MACROD2: variants seen among roughly 807,000 people sequenced by gnomAD.
MACROD2 encodes mono-ADP ribosylhydrolase 2.
Under a neutral mutation model 70.4 loss-of-function variants are expected in MACROD2, and 36 were observed. The observed-to-expected ratio is 0.51, with a 90% CI of 0.39 to 0.68. MACROD2 has a LOEUF of 0.68. Among genes scored for constraint, MACROD2 ranks in the 30% least tolerant of loss-of-function variants. MACROD2 has a pLI of 0.00. For missense variants in MACROD2, 496 were observed against 538.4 expected, an observed-to-expected ratio of 0.92 and a Z score of 0.78; for synonymous variants, 172 against 178.8, an observed-to-expected ratio of 0.96 and a Z score of 0.30.
chr20:14,991,428 A>G (rs1024706006), intron 5 of MACROD2, among the ~76,000 whole-genome samples: 11 of 152,312 alleles, frequency 7.2e-5, no homozygotes, highest in African/African-American at 2.6e-4. Flanking sequence ...CAGCCTCTGC[A>G]CTGAATATCC....
At chr20:15,782,575 G>A (rs1468665976) in intron 8 of MACROD2, among the ~76,000 whole-genome samples, 3 of 151,890 alleles carry the variant, frequency 2.0e-5, no homozygotes, top group Non-Finnish European at 2.9e-5. Context: ...GACAGTGGAA[G>A]CTGCTAATGC....
chr20:15,923,202 G>C (rs541030329), intron 10 of MACROD2, among the ~76,000 whole-genome samples: 1 of 152,148 alleles, frequency 6.6e-6, no homozygotes, highest in Non-Finnish European at 1.5e-5. Context: ...ACCCGAAACT[G>C]GGAACAAAAA....
At chr20:14,336,347 T>C (rs1256729202) in intron 3 of MACROD2, among the ~76,000 whole-genome samples, 1 of 152,156 alleles carries the variant, frequency 6.6e-6, no homozygotes, top group African/African-American at 2.4e-5. Context: ...TTTTTTCTTT[T>C]AAATTCTAAA....
At position 14,136,326 on chromosome 20, in the gene MACROD2, G is replaced by A. The variant is rs140412027; in HGVS notation, c.271+50598G>A. Among the ~76,000 whole-genome samples, 94 of 152,222 alleles carry A rather than the reference G, an allele frequency of 6.2e-4. 1 individual carries two copies. The highest frequency in any genetic ancestry group is 2.0e-3 in the African/African-American group (85 of 41,548). ...GAGGAATAAAAAGCTGGAGTTAGCC[G>A]GGGGCAGTGGTTCACGCCTGTAATC... On this transcript the variant is annotated intron_variant, in intron 3 of 17. Coordinates refer to ENST00000684519, the MANE Select transcript of MACROD2 (RefSeq NM_001351661.2).
At chr20:15,623,406 T>C (rs1173357529) in intron 8 of MACROD2, among the ~76,000 whole-genome samples, 1 of 152,218 alleles carries the variant, frequency 6.6e-6, no homozygotes, top group African/African-American at 2.4e-5. Context: ...TAATGTCTTT[T>C]CTGGGAATGC....
chr20:15,777,021 A>T (rs2051732700), intron 8 of MACROD2, among the ~76,000 whole-genome samples: 1 of 152,180 alleles, frequency 6.6e-6, no homozygotes, highest in Non-Finnish European at 1.5e-5. Context: ...TATGAATGAA[A>T]GTTGAAATTC....
At chr20:15,204,059 T>C (rs183264881) in intron 5 of MACROD2, among the ~76,000 whole-genome samples, 252 of 152,208 alleles carry the variant, frequency 1.7e-3, no homozygotes, top group South Asian at 0.016. Context: ...GATGCACTTA[T>C]AACTCCCTTC....
At chr20:15,372,049 G>A (rs73107027) in intron 6 of MACROD2, among the ~76,000 whole-genome samples, 17 of 152,096 alleles carry the variant, frequency 1.1e-4, no homozygotes, top group Non-Finnish European at 2.2e-4. Flanking sequence ...GTGTGAACAC[G>A]TATAGTTTCT....
At chr20:14,206,927 G>C (rs118064599) in intron 3 of MACROD2, among the ~76,000 whole-genome samples, 2,061 of 152,104 alleles carry the variant, frequency 0.014, 20 homozygotes, top group South Asian at 0.037. Context: ...TTGTCGAATT[G>C]AATCAAAGAC....
intron 2 of MACROD2, among the ~76,000 whole-genome samples, chr20:14,068,005 T>C (rs1028928965): frequency 6.6e-6 from 1 of 152,168 alleles, no homozygotes; most frequent in Non-Finnish European, 1.5e-5. Context: ...AAACAGGACA[T>C]ATAGATCTAT....
At chr20:15,535,246 G>T (rs967420894) in intron 8 of MACROD2, among the ~76,000 whole-genome samples, 3 of 151,930 alleles carry the variant, frequency 2.0e-5, no homozygotes, top group Non-Finnish European at 4.4e-5. Flanking sequence ...AAATTGCTGG[G>T]ATTACAGGCA....
chr20:16,012,382 T>C (rs888677502), intron 15 of MACROD2, among the ~76,000 whole-genome samples: 1 of 152,214 alleles, frequency 6.6e-6, no homozygotes, highest in Non-Finnish European at 1.5e-5. Context: ...GGAAATTACC[T>C]GGGAGTGTTC....
chr20:14,173,884 T>C (rs1016659599), intron 3 of MACROD2, among the ~76,000 whole-genome samples: 3 of 152,144 alleles, frequency 2.0e-5, no homozygotes, highest in Admixed American at 1.3e-4. Flanking sequence ...TGATTGTTAT[T>C]TCTCTTCTGG....
In MACROD2 at chr20:14,791,721, G is replaced by T. The variant is rs182533290; in HGVS notation, c.418+106762G>T. On this transcript the variant is annotated intron_variant, in intron 5 of 17. Coordinates refer to ENST00000684519, the MANE Select transcript of MACROD2 (RefSeq NM_001351661.2). ...TAAATTCAGTATCTACTATAATGAA[G>T]AAATTCGTATATGTAACTGTAAATC... Among the ~76,000 whole-genome samples the T allele has an allele frequency of 3.2e-3, 483 of 151,962 alleles. 5 individuals carry two copies. The highest frequency in any genetic ancestry group is 0.011 in the African/African-American group (466 of 41,420).
intron 8 of MACROD2, among the ~76,000 whole-genome samples, chr20:15,564,527 G>A (rs1043259450): frequency 2.0e-5 from 3 of 152,076 alleles, no homozygotes; most frequent in African/African-American, 4.8e-5. Flanking sequence ...TCGCAGCTGG[G>A]TTTAAAAGCA....
chr20:14,162,015 T>C (rs1026359702), intron 3 of MACROD2, among the ~76,000 whole-genome samples: 2 of 152,248 alleles, frequency 1.3e-5, no homozygotes, highest in Non-Finnish European at 2.9e-5. Context: ...TAGGTGTTTA[T>C]TGCTATAATG....
intron 3 of MACROD2, among the ~76,000 whole-genome samples, chr20:14,182,028 CT>C (rs1269903144): frequency 3.3e-5 from 5 of 152,166 alleles, no homozygotes; most frequent in Non-Finnish European, 7.4e-5. Flanking sequence ...CTGTCATGTG[CT>C]AACTCTATGT....
At chr20:14,476,930 G>A (rs1034137429) in intron 3 of MACROD2, among the ~76,000 whole-genome samples, 1 of 152,168 alleles carries the variant, frequency 6.6e-6, no homozygotes, top group Non-Finnish European at 1.5e-5. Context: ...AAAAGGCCAA[G>A]ATGTGGCAGA....
intron 5 of MACROD2, among the ~76,000 whole-genome samples, chr20:14,707,913 G>T (rs2071289339): frequency 6.6e-6 from 1 of 152,142 alleles, no homozygotes; most frequent in African/African-American, 2.4e-5. Flanking sequence ...ATAATAGTTA[G>T]AGCTTTCCAG....
Sources: allele counts gnomAD v4.1 joint callset (sites outside exome capture counted in the v4.1 genomes callset), GRCh38; gene constraint gnomAD v4.1.1; transcripts MANE v1.5; gene names NCBI Gene and HGNC (gene_info 2026-07-23, HGNC 2026-07-21).